The following PPP3CA variants were observed in gnomAD, a reference collection of about 807,000 sequenced individuals.
The protein encoded by PPP3CA is protein phosphatase 3 catalytic subunit alpha.
PPP3CA carries 14 observed loss-of-function variants against 66.5 expected under a neutral mutation model. The observed-to-expected ratio is 0.21, with a 90% confidence interval of 0.14 to 0.33. PPP3CA has a LOEUF of 0.33. Among genes scored for constraint, PPP3CA ranks in the 10% least tolerant of loss-of-function variants. The pLI is 1.00. For missense variants in PPP3CA, 317 were observed against 639.5 expected, an observed-to-expected ratio of 0.50 and a Z score of 5.44; for synonymous variants, 232 against 226.2, an observed-to-expected ratio of 1.03 and a Z score of -0.23.
intron 1 of PPP3CA, among the ~76,000 whole-genome samples, chr4:101,309,894 G>A (rs567030210): frequency 1.1e-4 from 17 of 152,280 alleles, no homozygotes; most frequent in Non-Finnish European, 2.9e-5. Context: ...TAAAAAGAAA[G>A]TACGTATTTA....
intron 1 of PPP3CA, among the ~76,000 whole-genome samples, chr4:101,221,726 G>A (rs1725630994): frequency 6.6e-6 from 1 of 151,510 alleles, no homozygotes; most frequent in Non-Finnish European, 1.5e-5. Context: ...CAATCTTAAG[G>A]ATGACTGCAT....
intron 2 of PPP3CA, among the ~76,000 whole-genome samples, chr4:101,164,866 TAGA>T (rs989024229): frequency 2.5e-4 from 38 of 152,166 alleles, no homozygotes; most frequent in African/African-American, 9.1e-4. Flanking sequence ...CCAAAAAACT[TAGA>T]AGAAAAAATG....
At chr4:101,184,066 AC>A (rs1406245659) in intron 2 of PPP3CA, among the ~76,000 whole-genome samples, 6 of 152,178 alleles carry the variant, frequency 3.9e-5, no homozygotes, top group African/African-American at 1.4e-4. Context: ...ATAGACTTCC[AC>A]TGGTCTGTAA....
chr4:101,232,580 G>A (rs1725997422), intron 1 of PPP3CA, among the ~76,000 whole-genome samples: 1 of 151,626 alleles, frequency 6.6e-6, no homozygotes, highest in African/African-American at 2.4e-5. Flanking sequence ...GTCAGGTTTT[G>A]GTCTCAATAC....
chr4:101,115,715 A>C (rs997815284), intron 2 of PPP3CA, among the ~76,000 whole-genome samples: 4 of 151,906 alleles, frequency 2.6e-5, no homozygotes, highest in African/African-American at 9.7e-5. Flanking sequence ...GTAATATAAA[A>C]TATACATTTT....
At chr4:101,236,637 G>A (rs1726141511) in intron 1 of PPP3CA, among the ~76,000 whole-genome samples, 1 of 151,952 alleles carries the variant, frequency 6.6e-6, no homozygotes, top group South Asian at 2.1e-4. Context: ...ATAGAAGGCA[G>A]GGAAGCACTT....
intron 1 of PPP3CA, among the ~76,000 whole-genome samples, chr4:101,335,608 G>GA (rs1268503856): frequency 6.6e-6 from 1 of 152,028 alleles, no homozygotes; most frequent in East Asian, 1.9e-4. Flanking sequence ...TAAGTTCTGG[G>GA]AAAAAATAAC....
At chr4:101,246,915 G>A (rs184823416) in intron 1 of PPP3CA, among the ~76,000 whole-genome samples, 10 of 152,128 alleles carry the variant, frequency 6.6e-5, no homozygotes, top group Middle Eastern at 3.4e-3. Flanking sequence ...ATAACCCTTC[G>A]TCTTCTAGCT....
chr4:101,031,125 T>C (rs1464713640), intron 12 of PPP3CA, among the ~76,000 whole-genome samples: 1 of 152,082 alleles, frequency 6.6e-6, no homozygotes, highest in African/African-American at 2.4e-5. Flanking sequence ...ATAAAGACAA[T>C]TAATGTGATG....
chr4:101,307,694 A>G (rs1278608695), intron 1 of PPP3CA, among the ~76,000 whole-genome samples: 1 of 152,218 alleles, frequency 6.6e-6, no homozygotes, highest in African/African-American at 2.4e-5. Flanking sequence ...ATGTTTCTAA[A>G]TCTACCAGAT....
In PPP3CA at chr4:101,117,239, C is replaced by T. The variant is rs1721864913; in HGVS notation, c.260-8161G>A. On this transcript the variant is annotated intron_variant, in intron 2 of 13. Coordinates refer to ENST00000394854, the MANE Select transcript of PPP3CA (RefSeq NM_000944.5). ...ATAAACCAGTACTAAATACTTCATT[C>T]ATCCCCTAATTCTCAGTTCGTAACT... Among the ~76,000 whole-genome samples, 6 of 151,802 alleles carry T rather than the reference C, an allele frequency of 4.0e-5. No homozygotes were observed. The South Asian group carries it at 1.2e-3, about 31-fold the overall frequency.
At chr4:101,207,490 T>C (rs1407413847) in intron 1 of PPP3CA, among the ~76,000 whole-genome samples, 1 of 152,124 alleles carries the variant, frequency 6.6e-6, no homozygotes, top group East Asian at 1.9e-4. Flanking sequence ...ATCTTACCAG[T>C]AGACACAAAT....
intron 1 of PPP3CA, among the ~76,000 whole-genome samples, chr4:101,277,951 C>T (rs987880783): frequency 1.3e-5 from 2 of 151,976 alleles, no homozygotes; most frequent in African/African-American, 2.4e-5. Context: ...CCTTCCTAAT[C>T]TTCCTAGGAT....
intron 2 of PPP3CA, among the ~76,000 whole-genome samples, chr4:101,189,854 A>T (rs1724541495): frequency 6.6e-6 from 1 of 152,028 alleles, no homozygotes; most frequent in Non-Finnish European, 1.5e-5. Flanking sequence ...TGAAATTTTC[A>T]CTCTGGATCA....
intron 2 of PPP3CA, among the ~76,000 whole-genome samples, chr4:101,126,473 A>G (rs1227423258): frequency 6.6e-6 from 1 of 152,198 alleles, no homozygotes; most frequent in African/African-American, 2.4e-5. Context: ...TTTTACTAAG[A>G]TACAAAAGAT....
intron 1 of PPP3CA, among the ~76,000 whole-genome samples, chr4:101,312,492 AAAAT>A (rs745668419): frequency 3.2e-4 from 48 of 152,044 alleles, no homozygotes; most frequent in Admixed American, 8.5e-4. Context: ...CAAATAAATA[AAAAT>A]AAATAAAATA....
intron 11 of PPP3CA, among the ~76,000 whole-genome samples, chr4:101,037,542 T>C (rs1445607777): frequency 2.6e-5 from 4 of 152,206 alleles, no homozygotes; most frequent in Admixed American, 1.3e-4. Context: ...CATAGCCTGG[T>C]CCAGCCTTTT....
chr4:101,203,596 C>A (rs1725036873), intron 1 of PPP3CA, among the ~76,000 whole-genome samples: 1 of 152,122 alleles, frequency 6.6e-6, no homozygotes, highest in South Asian at 2.1e-4. Flanking sequence ...CTTTTATTAT[C>A]TGAATTTCAA....
chr4:101,338,255 G>A (rs780271746), intron 1 of PPP3CA, among the ~76,000 whole-genome samples: 7 of 152,100 alleles, frequency 4.6e-5, no homozygotes, highest in Admixed American at 2.0e-4. Flanking sequence ...GCTGGCTACC[G>A]AGCAAAATCC....
Sources: allele counts gnomAD v4.1 joint callset (sites outside exome capture counted in the v4.1 genomes callset), GRCh38; gene constraint gnomAD v4.1.1; transcripts MANE v1.5; gene names NCBI Gene and HGNC (gene_info 2026-07-23, HGNC 2026-07-21).